FAM120A: variants seen among roughly 807,000 people sequenced by gnomAD.
The protein encoded by FAM120A is family with sequence similarity 120 member A, also known as constitutive coactivator of PPAR-gamma-like protein 1.
A neutral mutation model predicts 109.7 loss-of-function variants in FAM120A; 15 were observed. The ratio of observed to expected loss-of-function variants is 0.14; its 90% confidence interval spans 0.09 to 0.21. FAM120A has a LOEUF of 0.21. Among genes scored for constraint, FAM120A ranks in the 10% least tolerant of loss-of-function variants. The pLI is 1.00. For missense variants in FAM120A, 899 were observed against 1,439.3 expected, an observed-to-expected ratio of 0.62 and a Z score of 6.07; for synonymous variants, 493 against 572.8, an observed-to-expected ratio of 0.86 and a Z score of 1.99.
At chr9:93,484,959 A>G (rs1858978653) in intron 3 of FAM120A, among the ~76,000 whole-genome samples, 2 of 152,154 alleles carry the variant, frequency 1.3e-5, no homozygotes, top group Non-Finnish European at 2.9e-5. Context: ...GTGTGTAAAC[A>G]TTTTCTAGCT....
intron 7 of FAM120A, among the ~76,000 whole-genome samples, chr9:93,524,004 C>T (rs925033453): frequency 1.3e-5 from 2 of 152,342 alleles, no homozygotes; most frequent in South Asian, 2.1e-4. Flanking sequence ...AGCATCTGTC[C>T]AGCCAGGCTG....
chr9:93,536,939 A>G (rs1861538814), intron 10 of FAM120A, among the ~76,000 whole-genome samples: 2 of 152,352 alleles, frequency 1.3e-5, no homozygotes, highest in South Asian at 4.1e-4. Context: ...AAGCCCTCCC[A>G]GTGGTGCACG....
intron 11 of FAM120A, among the ~76,000 whole-genome samples, chr9:93,545,778 TCC>T (rs1861858049): frequency 7.3e-6 from 1 of 137,214 alleles, no homozygotes; most frequent in Admixed American, 7.6e-5. Context: ...TGGGAAAGAC[TCC>T]TTTTTTTTTT....
At chr9:93,464,228 TA>T (rs1459772555) in intron 1 of FAM120A, among the ~76,000 whole-genome samples, 1 of 152,208 alleles carries the variant, frequency 6.6e-6, no homozygotes, top group Non-Finnish European at 1.5e-5. Flanking sequence ...TGGGAGTTTT[TA>T]AGTCATTATT....
rs1213820341 is a variant in FAM120A, at chr9:93,556,384, T to G, written c.2277T>G (p.Ile759Met). 1 of 1,613,086 alleles carries G rather than the reference T, an allele frequency of 6.2e-7. No homozygotes were observed. Among genetic ancestry groups the G allele is most frequent in the Non-Finnish European group, 8.5e-7 (1 of 1,179,146 alleles). ...YEPDQLQELK[I>M]ENLDPRGIQL... Reference sequence around the variant, plus strand: ...AAATTACTCTTTTCAATTTAAAGATTGAGAACCTAGATCCCCGAGGAATTC... The same window carrying G: ...AAATTACTCTTTTCAATTTAAAGATGGAGAACCTAGATCCCCGAGGAATTC... Residue 759 changes from isoleucine (I) to methionine (M), a missense_variant and splice_region_variant, in exon 13 of 18, where the codon ATT (isoleucine) becomes ATG (methionine). Transcript: ENST00000277165.
chr9:93,474,858 G>T (rs996081342), intron 2 of FAM120A, among the ~76,000 whole-genome samples: 5 of 152,206 alleles, frequency 3.3e-5, no homozygotes, highest in African/African-American at 1.2e-4. Flanking sequence ...TTCCCAAAGT[G>T]CTGGGATTAT....
At chr9:93,476,170 T>C (rs1456007765) in intron 2 of FAM120A, 86 bp from the exon 3 acceptor site, 2 of 839,020 alleles carry the variant, frequency 2.4e-6, no homozygotes, top group Non-Finnish European at 4.0e-6. Flanking sequence ...AGTTTTCTAC[T>C]ATAGGTGACA....
At chr9:93,556,313 C>A in intron 12 of FAM120A, 69 bp from the exon 13 acceptor site, 1 of 1,345,924 alleles carries the variant, frequency 7.4e-7, no homozygotes, top group Non-Finnish European at 1.1e-6. Flanking sequence ...GAGAGTTTTA[C>A]TAAGACTTTG....
chr9:93,536,384 G>A (rs1173710371), intron 10 of FAM120A, among the ~76,000 whole-genome samples: 2 of 152,218 alleles, frequency 1.3e-5, no homozygotes, highest in Non-Finnish European at 2.9e-5. Flanking sequence ...TCCAGCAGCT[G>A]GTGTGGCCTT....
chr9:93,548,267 C>A (rs1301331965), intron 11 of FAM120A, among the ~76,000 whole-genome samples: 1 of 152,058 alleles, frequency 6.6e-6, no homozygotes, highest in Admixed American at 6.6e-5. Context: ...CCACGCCCGG[C>A]TAATTTTTTT....
chr9:93,529,775 G>A (rs775850479), intron 9 of FAM120A, 195 bp downstream of exon 9: 6 of 623,142 alleles, frequency 9.6e-6, no homozygotes, highest in South Asian at 8.1e-5. Context: ...AAAATAACTC[G>A]TGAAAAGTCT....
At chr9:93,483,575 A>G (rs895939814) in intron 3 of FAM120A, among the ~76,000 whole-genome samples, 10 of 152,180 alleles carry the variant, frequency 6.6e-5, no homozygotes, top group African/African-American at 2.4e-4. Flanking sequence ...AAACAATTTA[A>G]TCAGTACAGA....
At chr9:93,523,149 A>T (rs1364626703) in intron 7 of FAM120A, 2 of 347,166 alleles carry the variant, frequency 5.8e-6, no homozygotes, top group Admixed American at 4.6e-5. Context: ...CAGAACACTG[A>T]TGTGGTTTTT....
chr9:93,523,275 T>A, intron 7 of FAM120A: 10 of 1,285,584 alleles, frequency 7.8e-6, no homozygotes, highest in Non-Finnish European at 1.0e-5. Flanking sequence ...TTCTTGTCCT[T>A]TAAGGCCTTT....
At position 93,452,032 on chromosome 9, in the gene FAM120A, C is replaced by G. The variant is rs887666237; in HGVS notation, c.117C>G (p.Pro39=). 1.3e-6 allele frequency: 2 copies of G among 1,565,446 alleles called. No homozygotes were observed. Among genetic ancestry groups the G allele is most frequent in the East Asian group, 2.4e-5 (1 of 42,528 alleles). ...TGGTGGGCGGCGGGCGGCAGCGGCC[C>G]CCGCAGACCCCGCTGCGCCTGCTGG... ...GSLVGGGRQR[P]PQTPLRLLVD... The change falls in exon 1 of 18, where the codon CCC becomes CCG. Residue 39 remains proline (P), a synonymous_variant. Transcript: ENST00000277165. The surrounding 1 kb of genome is among the most constrained non-coding windows in gnomAD (Gnocchi z 7.0).
At chr9:93,503,913 G>A (rs576725416) in intron 5 of FAM120A, among the ~76,000 whole-genome samples, 86 of 152,250 alleles carry the variant, frequency 5.6e-4, no homozygotes, top group African/African-American at 1.9e-3. Context: ...GCTGGGTGCT[G>A]AATGGTGTGG....
intron 3 of FAM120A, among the ~76,000 whole-genome samples, chr9:93,491,976 G>T (rs540202092): frequency 6.6e-6 from 1 of 152,198 alleles, no homozygotes; most frequent in East Asian, 1.9e-4. Flanking sequence ...AATAGGCAAG[G>T]GCAAATTACT....
chr9:93,464,502 T>C (rs897405519), intron 1 of FAM120A, among the ~76,000 whole-genome samples: 1 of 152,160 alleles, frequency 6.6e-6, no homozygotes, highest in African/African-American at 2.4e-5. Context: ...GTGTTGTGAT[T>C]CCCATCCTGG....
Position 93,508,863 on chromosome 9 carries a change from C to T in FAM120A, c.1031-6804C>T, listed in dbSNP as rs144296009. ...TTAACAGTTATTTTGAAAATACACA[C>T]GATCTCTCTCCAATAACATACCCCC... On this transcript the variant is annotated intron_variant, in intron 5 of 17. Transcript: ENST00000277165. Among the ~76,000 whole-genome samples, 11 of 152,328 alleles carry T rather than the reference C, an allele frequency of 7.2e-5. No individual in the cohort carries two copies. The East Asian group carries it at 1.2e-3, about 16-fold the overall frequency.
Sources: gnomAD v4.1 joint callset for allele counts (sites outside exome capture counted in the v4.1 genomes callset) on GRCh38, gnomAD v4.1.1 for gene constraint, Gnocchi (gnomAD v3.1) non-coding constraint, MANE v1.5 for transcripts, NCBI Gene and HGNC (gene_info 2026-07-23, HGNC 2026-07-21) for gene names.